TSPEAR: variants seen among roughly 807,000 people sequenced by gnomAD.
The protein encoded by TSPEAR is thrombospondin type laminin G domain and EAR repeats.
TSPEAR carries 69 observed loss-of-function variants against 71.6 expected under a neutral mutation model. The ratio of observed to expected loss-of-function variants is 0.96; its 90% confidence interval spans 0.79 to 1.18. The LOEUF is 1.18. Among genes scored for constraint, TSPEAR ranks in the 50% most tolerant of loss-of-function variants. TSPEAR has a pLI of 0.00. For synonymous variants in TSPEAR, 402 were observed against 387.2 expected, an observed-to-expected ratio of 1.04 and a Z score of -0.45; for missense variants, 971 against 894.9, an observed-to-expected ratio of 1.09 and a Z score of -1.09.
intron 1 of TSPEAR, chr21:44,580,102 C>G: frequency 6.2e-7 from 1 of 1,613,706 alleles, no homozygotes; most frequent in Non-Finnish European, 8.5e-7. Context: ...AGCAAGTCGG[C>G]TGGCAGCTAG....
intron 9 of TSPEAR, among the ~76,000 whole-genome samples, 188 bp downstream of exon 9, chr21:44,521,695 A>G (rs1159101856): frequency 3.3e-5 from 5 of 152,238 alleles, no homozygotes; most frequent in Non-Finnish European, 7.3e-5. Flanking sequence ...AGAAGGGCTC[A>G]GACGCCAGGC....
chr21:44,590,916 C>T (rs1285878410), intron 1 of TSPEAR, among the ~76,000 whole-genome samples: 1 of 152,072 alleles, frequency 6.6e-6, no homozygotes, highest in Non-Finnish European at 1.5e-5. Flanking sequence ...TCACAGAGGC[C>T]AGCACCAGAA....
At chr21:44,538,434 C>T (rs782382453) in intron 2 of TSPEAR, among the ~76,000 whole-genome samples, 4 of 86,596 alleles carry the variant, frequency 4.6e-5, no homozygotes, top group Non-Finnish European at 9.1e-5. Flanking sequence ...CCCCCCCCCC[C>T]CCAAGAGGAG....
At chr21:44,557,651 C>T (rs964878987) in intron 2 of TSPEAR, 11 of 236,104 alleles carry the variant, frequency 4.7e-5, no homozygotes, top group African/African-American at 1.1e-4. Flanking sequence ...CCCCGCACAG[C>T]GGGAAGTCAG....
Position 44,687,806 on chromosome 21 carries a change from T to G in TSPEAR, c.82+23627A>C, listed in dbSNP as rs1986928252. ...GGCAAACTTCGTCAAATGATACCCT[T>G]GAGATTTGAATCATTTCACATGCAA... is the stretch of plus-strand genomic sequence containing the variant. On this transcript the variant is annotated intron_variant, in intron 1 of 11. Transcript: ENST00000323084. The surrounding 1 kb of genome is among the most constrained non-coding windows in gnomAD (Gnocchi z 4.4). Among the ~76,000 whole-genome samples, 1 of 152,166 alleles carries G rather than the reference T, an allele frequency of 6.6e-6. No individual in the cohort carries two copies. The highest frequency in any genetic ancestry group is 1.5e-5 in the Non-Finnish European group (1 of 68,018).
intron 1 of TSPEAR, chr21:44,647,685 A>G (rs968157750): frequency 2.6e-6 from 1 of 379,920 alleles, no homozygotes; most frequent in Non-Finnish European, 5.1e-6. Context: ...TCTTCCCCTG[A>G]GCCCCTCTGC....
Position 44,612,932 on chromosome 21 carries a change from C to G in TSPEAR, c.83-44927G>C. ...CTGCTGATGGGCACGTCCCCCAGGG[C>G]CAGCCGGCTCCGGTCCTGTCCTGGG... is the stretch of plus-strand genomic sequence containing the variant. On this transcript the variant is annotated intron_variant, in intron 1 of 11. Coordinates refer to ENST00000323084, the MANE Select transcript of TSPEAR (RefSeq NM_144991.3). The surrounding 1 kb of genome is among the most constrained non-coding windows in gnomAD (Gnocchi z 4.1). 6.3e-7 allele frequency: 1 copy of G among 1,594,870 alleles called. No individual in the cohort carries two copies. The highest frequency in any genetic ancestry group is 8.5e-7 in the Non-Finnish European group (1 of 1,173,290).
Position 44,644,429 on chromosome 21 carries a change from TA to T in TSPEAR, c.82+67003del, listed in dbSNP as rs1451076690. The stretch of plus-strand genomic sequence containing the variant: ...GCACACAGATCTCACACACCTGTAC[TA>T]ATAATCACTGAAAGGATATTTAAAG... On this transcript the variant is annotated intron_variant, in intron 1 of 11. Coordinates refer to ENST00000323084, the MANE Select transcript of TSPEAR (RefSeq NM_144991.3). Among the ~76,000 whole-genome samples the T allele has an allele frequency of 3.3e-5, 5 of 152,336 alleles. No homozygotes were observed. The South Asian group carries it at 6.2e-4, about 19-fold the overall frequency.
chr21:44,702,842 C>G (rs1987724523), intron 1 of TSPEAR: 8 of 947,688 alleles, frequency 8.4e-6, no homozygotes, highest in Non-Finnish European at 1.3e-5. Context: ...AGGTTCCCCC[C>G]AACCTCTCCC....
chr21:44,576,586 T>C (rs922549503), intron 1 of TSPEAR, among the ~76,000 whole-genome samples: 5 of 152,188 alleles, frequency 3.3e-5, no homozygotes, highest in Admixed American at 1.3e-4. Flanking sequence ...TTGCAACCCA[T>C]GGAAGCAGAG....
At chr21:44,539,378 CAGG>C (rs1569173446) in intron 2 of TSPEAR, 5 of 1,612,834 alleles carry the variant, frequency 3.1e-6, no homozygotes, top group East Asian at 2.2e-5. Flanking sequence ...GCTGGCCTGG[CAGG>C]AGGAGGCAGG....
At chr21:44,613,929 G>T (rs963300985) in intron 1 of TSPEAR, among the ~76,000 whole-genome samples, 1 of 152,132 alleles carries the variant, frequency 6.6e-6, no homozygotes, top group Non-Finnish European at 1.5e-5. Flanking sequence ...AAGGCCCTGT[G>T]GCTCTGCCGC....
intron 1 of TSPEAR, among the ~76,000 whole-genome samples, chr21:44,634,983 T>G (rs959010901): frequency 6.6e-6 from 1 of 152,142 alleles, no homozygotes; most frequent in Non-Finnish European, 1.5e-5. Flanking sequence ...ATACAACTCA[T>G]CAGTTCCCAC....
intron 2 of TSPEAR, among the ~76,000 whole-genome samples, chr21:44,555,443 G>A (rs2053511063): frequency 6.6e-6 from 1 of 152,198 alleles, no homozygotes; most frequent in South Asian, 2.1e-4. Context: ...ACATCCCACA[G>A]GATGAGCCAA....
At chr21:44,606,032 T>A (rs1469654413) in intron 1 of TSPEAR, among the ~76,000 whole-genome samples, 1 of 151,502 alleles carries the variant, frequency 6.6e-6, no homozygotes, top group African/African-American at 2.4e-5. Context: ...TGGGAAAAAA[T>A]ATCTGCAAAC....
At chr21:44,600,130 G>C (rs889053475) in intron 1 of TSPEAR, among the ~76,000 whole-genome samples, 2 of 152,094 alleles carry the variant, frequency 1.3e-5, no homozygotes, top group Non-Finnish European at 2.9e-5. Flanking sequence ...GTCACTTCTA[G>C]GAATGTTCCA....
At chr21:44,539,262 G>A (rs781796608) in intron 2 of TSPEAR, 2 of 1,593,668 alleles carry the variant, frequency 1.3e-6, no homozygotes, top group Non-Finnish European at 1.7e-6. Flanking sequence ...CCCAGGGCGG[G>A]TGCCCATCAG....
intron 1 of TSPEAR, among the ~76,000 whole-genome samples, chr21:44,589,130 T>C (rs1979573638): frequency 6.6e-6 from 1 of 152,106 alleles, no homozygotes. Context: ...AAACACCACC[T>C]ATTCCCCAAT....
intron 1 of TSPEAR, chr21:44,580,472 C>T: frequency 4.3e-6 from 7 of 1,613,276 alleles, no homozygotes; most frequent in Non-Finnish European, 5.9e-6. Flanking sequence ...CAGGGTCAGG[C>T]AGGGGGCGGT....
Sources: allele counts gnomAD v4.1 joint callset (sites outside exome capture counted in the v4.1 genomes callset), GRCh38; gene constraint gnomAD v4.1.1; non-coding constraint Gnocchi (gnomAD v3.1); transcripts MANE v1.5; gene names NCBI Gene and HGNC (gene_info 2026-07-23, HGNC 2026-07-21).